Variants in TG observed in about 807,000 individuals in gnomAD.
The protein encoded by TG is thyroid hormones.
Under a neutral mutation model 324.7 loss-of-function variants are expected in TG, and 270 were observed. The observed-to-expected ratio is 0.83, with a 90% confidence interval of 0.75 to 0.92. The LOEUF (loss-of-function observed/expected upper bound fraction) is 0.92, where lower values mean the gene tolerates loss of function less well. TG is among the 40% of genes least tolerant of loss of function. The probability of loss-of-function intolerance (pLI) is 0.00; values close to 1 mark genes in which losing one functional copy is unlikely to be tolerated. For missense variants in TG, 3,591 were observed against 3,456.4 expected, an observed-to-expected ratio of 1.04 and a Z score of -0.98; for synonymous variants, 1,401 against 1,327.0, an observed-to-expected ratio of 1.06 and a Z score of -1.21.
Position 133,019,322 on chromosome 8 carries a change from T to TATC in TG, c.6783-279_6783-277dup, listed in dbSNP as rs1230035772. On this transcript the variant is annotated intron_variant, in intron 38 of 47. Transcript: ENST00000220616. ...GAGTGGCTTTCATTGTCTTCTTCTC[T>TATC]ATCTCAAGCTGTTGCATCAGCAGAC... 2.0e-5 allele frequency among the ~76,000 whole-genome samples: 3 copies of TATC among 152,356 alleles called. No individual in the cohort carries two copies. In the East Asian group the frequency reaches 5.8e-4, roughly 29 times the overall value.
At chr8:132,918,540 A>G (rs772299696) in intron 20 of TG, among the ~76,000 whole-genome samples, 4 of 152,238 alleles carry the variant, frequency 2.6e-5, no homozygotes, top group Admixed American at 6.5e-5. Context: ...CACGTAGACC[A>G]GAGACAGTAG....
At chr8:133,035,709 T>C (rs1026733374) in intron 41 of TG, among the ~76,000 whole-genome samples, 2 of 152,234 alleles carry the variant, frequency 1.3e-5, no homozygotes, top group Non-Finnish European at 2.9e-5. Flanking sequence ...TATTTCACCT[T>C]AAATCCCATT....
chr8:133,132,025 A>G, intron 46 of TG, 79 bp downstream of exon 46: 3 of 1,582,988 alleles, frequency 1.9e-6, no homozygotes, highest in Non-Finnish European at 2.6e-6. Flanking sequence ...CAAAGGCCCA[A>G]TTTGCATCGA....
In TG at chr8:133,095,068, G is replaced by A. The variant is rs73354644; in HGVS notation, c.7264G>A (p.Ala2422Thr). The change falls in exon 42 of 48, where the codon GCC becomes ACC. Residue 2422 changes from alanine to threonine, a missense_variant. Transcript: ENST00000220616. ...GGGAGGCTCCGCACTCTCCCCGGCC[G>A]CCGTCATCAGCCATGAGAGGGCTCA... ...LMGGSALSPA[A>T]VISHERAQQQ... 13,646 of 1,613,894 alleles carry A rather than the reference G, an allele frequency of 8.5e-3. 822 individuals are homozygous for A. The African/African-American group carries it at 0.14, about 17-fold the overall frequency.
intron 41 of TG, among the ~76,000 whole-genome samples, chr8:133,052,767 C>T (rs1445651395): frequency 1.3e-5 from 2 of 152,118 alleles, no homozygotes; most frequent in Admixed American, 1.3e-4. Context: ...AAGGACAGAC[C>T]CCAGCAAGGT....
At chr8:133,010,068 A>G (rs1044851733) in intron 35 of TG, among the ~76,000 whole-genome samples, 2 of 152,164 alleles carry the variant, frequency 1.3e-5, no homozygotes, top group Admixed American at 1.3e-4. Context: ...AAAGGCAAAG[A>G]CCCTTTCATA....
chr8:132,899,381 C>T (rs534201838), intron 14 of TG, among the ~76,000 whole-genome samples: 6 of 152,248 alleles, frequency 3.9e-5, no homozygotes, highest in Non-Finnish European at 8.8e-5. Context: ...TCCTAGAGAA[C>T]GAATTTATGC....
At chr8:133,041,557 G>A (rs1216809836) in intron 41 of TG, among the ~76,000 whole-genome samples, 1 of 152,162 alleles carries the variant, frequency 6.6e-6, no homozygotes, top group Non-Finnish European at 1.5e-5. Flanking sequence ...GATATGAGGC[G>A]AGGAAGATGA....
At chr8:132,963,825 G>C (rs1326998998) in intron 29 of TG, among the ~76,000 whole-genome samples, 1 of 152,022 alleles carries the variant, frequency 6.6e-6, no homozygotes, top group Non-Finnish European at 1.5e-5. Flanking sequence ...GCATGGTACA[G>C]GGGAAAAAAA....
At chr8:133,004,950 G>A (rs898300167) in intron 35 of TG, among the ~76,000 whole-genome samples, 5 of 152,188 alleles carry the variant, frequency 3.3e-5, no homozygotes, top group Admixed American at 3.3e-4. Flanking sequence ...TCCTAGAGGG[G>A]CTGAGCATGT....
At chr8:132,908,148 G>C (rs200367468) in intron 17 of TG, 38 bp from the exon 18 acceptor site, 1 of 1,611,528 alleles carries the variant, frequency 6.2e-7, no homozygotes, top group African/African-American at 1.3e-5. Context: ...AACTCTACAG[G>C]CCCATTGCCT....
intron 41 of TG, chr8:133,038,269 G>T: frequency 1.9e-6 from 1 of 526,304 alleles, no homozygotes; most frequent in Non-Finnish European, 3.4e-6. Context: ...TACATGCTGG[G>T]CTCTTCCAAG....
In TG at chr8:132,966,640, C is replaced by A. The variant is rs1040939418; in HGVS notation, c.5629C>A (p.His1877Asn). ...NGNQSLSSQK[H>N]WLFKHLFSAQ... ...AAATCAATCACTATCCAGCCAGAAG[C>A]ACTGGCTTTTCAAGCACCTGTTTTC... The change falls in exon 30 of 48, where the codon CAC (histidine) becomes AAC (asparagine). Residue 1877 changes from histidine (H) to asparagine (N), a missense_variant. His to Asn is a moderately conservative substitution (Grantham distance 68, BLOSUM62 1). Transcript: ENST00000220616. 6.2e-7 allele frequency: 1 copy of A among 1,614,054 alleles called. No homozygotes were observed. The highest frequency in any genetic ancestry group is 1.3e-5 in the African/African-American group (1 of 75,038).
chr8:133,060,419 G>T, intron 41 of TG: 1 of 1,485,242 alleles, frequency 6.7e-7, no homozygotes, highest in Non-Finnish European at 8.9e-7. Flanking sequence ...AGAGAGGGAA[G>T]TTGCTAGCAA....
intron 41 of TG, among the ~76,000 whole-genome samples, chr8:133,082,720 G>A (rs1366891214): frequency 1.3e-5 from 2 of 152,168 alleles, no homozygotes; most frequent in African/African-American, 4.8e-5. Flanking sequence ...TGCTTGAACA[G>A]CACAAAATGA....
chr8:132,999,265 T>C lies in TG; in HGVS notation c.6263-12636T>C, dbSNP rs149899350. On this transcript the variant is annotated intron_variant, in intron 35 of 47. Transcript: ENST00000220616. Reference sequence around the variant, plus strand: ...GGCGGGCTGGCATTCTGCTTTTTGATTGGGGGAAGGTATGTGGTTGCCACC... The same window carrying C: ...GGCGGGCTGGCATTCTGCTTTTTGACTGGGGGAAGGTATGTGGTTGCCACC... Among the ~76,000 whole-genome samples, 264 of 152,202 alleles carry C rather than the reference T, an allele frequency of 1.7e-3. 3 individuals are homozygous for C. The highest frequency in any genetic ancestry group is 6.0e-3 in the African/African-American group (248 of 41,508).
chr8:132,966,409 AC>A (rs1157129502), intron 29 of TG, 150 bp from the exon 30 acceptor site: 50 of 1,026,364 alleles, frequency 4.9e-5, no homozygotes, highest in Admixed American at 4.3e-4. Flanking sequence ...CTGGTTTCAC[AC>A]AGCATAAAAA....
intron 35 of TG, among the ~76,000 whole-genome samples, chr8:133,007,767 A>C (rs534195840): frequency 5.3e-5 from 8 of 150,576 alleles, no homozygotes; most frequent in Admixed American, 4.0e-4. Flanking sequence ...TGTCTAATTT[A>C]GTTCTTTTTT....
Position 132,886,751 on chromosome 8 carries a change from T to C in TG, c.1379T>C (p.Phe460Ser). The C allele has an allele frequency of 6.2e-7, 1 of 1,614,202 alleles. No individual in the cohort carries two copies. Among genetic ancestry groups the C allele is most frequent in the East Asian group, 2.2e-5 (1 of 44,876 alleles). The change falls in exon 9 of 48, where the codon TTT becomes TCT. Residue 460 changes from phenylalanine (F) to serine (S), a missense_variant. Transcript: ENST00000220616. ...SRGLARLALQFTTNPKRLQQN... is the reference protein window; with the variant it reads ...SRGLARLALQSTTNPKRLQQN... ...GGGCTGGCTCGTCTTGCCCTTCAGT[T>C]TACCACCAACCCAAAGAGACTCCAG...
Sources: allele counts gnomAD v4.1 joint callset (sites outside exome capture counted in the v4.1 genomes callset), GRCh38; gene constraint gnomAD v4.1.1; transcripts MANE v1.5; gene names NCBI Gene and HGNC (gene_info 2026-07-23, HGNC 2026-07-21).